SLC13A5: variants seen among roughly 807,000 people sequenced by gnomAD.
SLC13A5 encodes solute carrier family 13 member 5, also known as Na(+)/citrate cotransporter.
SLC13A5 carries 25 observed loss-of-function variants against 56.5 expected under a neutral mutation model. That is an observed-to-expected ratio of 0.44 (90% CI 0.32 to 0.62). The LOEUF (loss-of-function observed/expected upper bound fraction) is 0.62. SLC13A5 is among the 20% of genes least tolerant of loss of function. The pLI is 0.04. For synonymous variants in SLC13A5, 307 were observed against 301.5 expected, an observed-to-expected ratio of 1.02 and a Z score of -0.19; for missense variants, 649 against 737.8, an observed-to-expected ratio of 0.88 and a Z score of 1.39.
chr17:6,692,078 C>T lies in SLC13A5; in HGVS notation c.1275+966G>A, dbSNP rs1469798202. The stretch of plus-strand genomic sequence containing the variant: ...TCTCCTCTGTAATCTCTGTGCCTGG[C>T]ATAACACTAGGGACATAATAGGAAT... On this transcript the variant is annotated intron_variant, in intron 9 of 11. Coordinates refer to ENST00000433363, the MANE Select transcript of SLC13A5 (RefSeq NM_177550.5). This position sits in a 1 kb window ranked among gnomAD's most constrained non-coding sequence, Gnocchi z 5.5. Among the ~76,000 whole-genome samples, 1 of 151,996 alleles carries T rather than the reference C, an allele frequency of 6.6e-6. No homozygotes were observed. Among genetic ancestry groups the T allele is most frequent in the Non-Finnish European group, 1.5e-5 (1 of 68,032 alleles).
chr17:6,699,672 T>A (rs1225681642), intron 6 of SLC13A5, among the ~76,000 whole-genome samples: 1 of 152,204 alleles, frequency 6.6e-6, no homozygotes, highest in Non-Finnish European at 1.5e-5. Context: ...GGTTTCACCA[T>A]GTTGGCCAGG....
At chr17:6,702,891 G>A (rs1973750810) in intron 5 of SLC13A5, 79 bp downstream of exon 5, 4 of 1,532,448 alleles carry the variant, frequency 2.6e-6, no homozygotes, top group Non-Finnish European at 3.6e-6. Context: ...ACTCTGCAGA[G>A]GAGCAGAGAG....
chr17:6,704,307 T>C, intron 3 of SLC13A5: 1 of 639,574 alleles, frequency 1.6e-6, no homozygotes, highest in East Asian at 3.2e-5. Flanking sequence ...CTCTGCTTGC[T>C]TCTGGGGTTA....
At position 6,686,072 on chromosome 17, in the gene SLC13A5, G is replaced by A; in HGVS notation, c.*135C>T. ...GGCTTGGAGGAAGAGGTGGCCCATT[G>A]GCTGGGTTTTGGTGGTGTGTGGACA... is the stretch of plus-strand genomic sequence containing the variant. On this transcript the variant is annotated 3_prime_UTR_variant, in exon 12 of 12. Transcript: ENST00000433363. 1 of 1,294,278 alleles carries A rather than the reference G, an allele frequency of 7.7e-7. No individual in the cohort carries two copies. The highest frequency in any genetic ancestry group is 1.5e-5 in the African/African-American group (1 of 67,770). The allele number at this position is 1,294,278 out of a possible 1,614,324, so 80.2% of individuals were successfully genotyped here.
In SLC13A5 at chr17:6,704,116, G is replaced by A. The variant is rs218678; in HGVS notation, c.369-60C>T. 0.088 allele frequency: 136,462 copies of A among 1,547,356 alleles called. 7,152 individuals carry two copies. Among genetic ancestry groups the A allele is most frequent in the African/African-American group, 0.22 (15,915 of 73,764 alleles). On this transcript the variant is annotated intron_variant, in intron 3 of 11. Transcript: ENST00000433363. ...TCCCCACCCCACCCCCGTACTCCCT[G>A]GGAAGCAACTGGGGACTGGGTCCAC...
At chr17:6,689,606 T>C (rs1973341759) in intron 10 of SLC13A5, 1 of 152,202 alleles carries the variant, frequency 6.6e-6, no homozygotes, top group Admixed American at 6.5e-5. Flanking sequence ...CAAAAGGTGC[T>C]CCTTCTACTG....
rs575087645 is a variant in SLC13A5 at position 6,708,993 on chromosome 17, C to CTTTTTTTTTT, written c.103-1847_103-1838dup. Among the ~76,000 whole-genome samples the CTTTTTTTTTT allele has an allele frequency of 5.1e-4, 68 of 133,016 alleles. 1 individual carries two copies. The highest frequency in any genetic ancestry group is 8.4e-4 in the Non-Finnish European group (53 of 63,010). 87.3% of individuals were successfully genotyped at this position (133,016 alleles called of 152,430 possible). A position where few individuals can be genotyped will look rare whatever the true frequency, so the allele number is the denominator to read the frequency against. Reference sequence around the variant, plus strand: ...TTCTTTCTCTCTCGCTCTTTTATTTCTTTTTTTTTTTTTTTGAGACAGGGT... The same window carrying CTTTTTTTTTT: ...TTCTTTCTCTCTCGCTCTTTTATTTCTTTTTTTTTTTTTTTTTTTTTTTTTGAGACAGGGT... On this transcript the variant is annotated intron_variant, in intron 1 of 11. Transcript: ENST00000433363.
intron 6 of SLC13A5, among the ~76,000 whole-genome samples, chr17:6,697,275 A>G (rs1265689397): frequency 6.6e-6 from 1 of 152,122 alleles, no homozygotes; most frequent in East Asian, 1.9e-4. Context: ...TTTCCAGCAT[A>G]AGGGGTGACC....
intron 1 of SLC13A5, 47 bp from the exon 2 acceptor site, chr17:6,707,203 C>A: frequency 6.2e-7 from 1 of 1,607,634 alleles, no homozygotes; most frequent in Non-Finnish European, 8.5e-7. Context: ...CCTCCCTCTC[C>A]CCACCCCCAG....
At chr17:6,689,234 C>T (rs1973328857) in intron 10 of SLC13A5, 1 of 152,226 alleles carries the variant, frequency 6.6e-6, no homozygotes, top group Admixed American at 6.5e-5. Context: ...CCCTGGGAAC[C>T]ACTGAGGGGT....
chr17:6,703,871 G>A lies in SLC13A5; in HGVS notation c.547+7C>T, dbSNP rs1465068456. ...GTGGCCTGGCAGTGCCCTGGCCAGG[G>A]GCTCACCTGGCAGCTCCTTGGCCTT... On this transcript the variant is annotated splice_region_variant and intron_variant, in intron 4 of 11. Transcript: ENST00000433363. The A allele has an allele frequency of 1.3e-6, 2 of 1,532,576 alleles. No homozygotes were observed. Among genetic ancestry groups the A allele is most frequent in the Admixed American group, 3.9e-5 (2 of 51,492 alleles). The allele number at this position is 1,532,576 out of a possible 1,614,324, so 94.9% of individuals were successfully genotyped here. A position where few individuals can be genotyped will look rare whatever the true frequency, so the allele number is the denominator to read the frequency against.
At position 6,685,863 on chromosome 17, in the gene SLC13A5, G is replaced by T; in HGVS notation, c.*344C>A. 1 of 296,786 alleles carries T rather than the reference G, an allele frequency of 3.4e-6. No homozygotes were observed. The highest frequency in any genetic ancestry group is 4.2e-5 in the Admixed American group (1 of 23,986). 18.4% of individuals were successfully genotyped at this position (296,786 alleles called of 1,614,324 possible). ...TAGGACGAAGCGAGTGAAAACCAGA[G>T]CCCTGTGTGGGGGATGCTTGAGGCA... On this transcript the variant is annotated 3_prime_UTR_variant, in exon 12 of 12. Coordinates refer to ENST00000433363, the MANE Select transcript of SLC13A5 (RefSeq NM_177550.5). This position sits in a 1 kb window ranked among gnomAD's most constrained non-coding sequence, Gnocchi z 4.2.
At chr17:6,696,009 C>T (rs2151487484) in intron 6 of SLC13A5, 68 bp from the exon 7 acceptor site, 1 of 1,420,170 alleles carries the variant, frequency 7.0e-7, no homozygotes, top group East Asian at 2.3e-5. Flanking sequence ...CAGATGGAGC[C>T]TAAATGTTCT....
At chr17:6,700,691 T>A (rs1455314267) in intron 6 of SLC13A5, among the ~76,000 whole-genome samples, 1 of 152,116 alleles carries the variant, frequency 6.6e-6, no homozygotes, top group Non-Finnish European at 1.5e-5. Context: ...GCCTGTGATA[T>A]GCCCAGGGGC....
chr17:6,703,591 G>A (rs996904429), intron 4 of SLC13A5, among the ~76,000 whole-genome samples: 1 of 152,224 alleles, frequency 6.6e-6, no homozygotes, highest in Non-Finnish European at 1.5e-5. Context: ...ATCCCTAAGT[G>A]CTCGAAAGAT....
chr17:6,711,432 CACACACACAT>C lies in SLC13A5; in HGVS notation c.102+1790_102+1799del, dbSNP rs143360432. ...AATCTCTCTCTCTCTCTCTCTTACA[CACACACACAT>C]ACACACACATACACACACACTGAGT... On this transcript the variant is annotated intron_variant, in intron 1 of 11. Coordinates refer to ENST00000433363, the MANE Select transcript of SLC13A5 (RefSeq NM_177550.5). The surrounding 1 kb of genome is among the most constrained non-coding windows in gnomAD (Gnocchi z 4.0). Among the ~76,000 whole-genome samples, 31,954 of 150,962 alleles carry C rather than the reference CACACACACAT, an allele frequency of 0.21. 3,897 individuals are homozygous for C. Among genetic ancestry groups the C allele is most frequent in the East Asian group, 0.48 (2,364 of 4,974 alleles).
intron 6 of SLC13A5, among the ~76,000 whole-genome samples, chr17:6,699,901 C>T (rs1474037116): frequency 6.6e-6 from 1 of 152,234 alleles, no homozygotes; most frequent in Non-Finnish European, 1.5e-5. Context: ...CCATCGCGCC[C>T]GGCCTGTATA....
intron 6 of SLC13A5, among the ~76,000 whole-genome samples, chr17:6,699,560 TC>T (rs1380924396): frequency 6.6e-6 from 1 of 152,184 alleles, no homozygotes; most frequent in African/African-American, 2.4e-5. Context: ...AACCTCTACC[TC>T]CCGGCTTCAA....
chr17:6,713,106 C>CGCGCCCCGGGAGAGCTGT lies in SLC13A5; in HGVS notation c.102+108_102+125dup. 3.3e-6 allele frequency: 3 copies of CGCGCCCCGGGAGAGCTGT among 918,824 alleles called. No individual in the cohort carries two copies. Among genetic ancestry groups the CGCGCCCCGGGAGAGCTGT allele is most frequent in the Non-Finnish European group, 5.0e-6 (3 of 603,642 alleles). 56.9% of individuals were successfully genotyped at this position (918,824 alleles called of 1,614,324 possible). On this transcript the variant is annotated intron_variant, in intron 1 of 11. Transcript: ENST00000433363. The surrounding 1 kb of genome is among the most constrained non-coding windows in gnomAD (Gnocchi z 7.3). ...CCGGCACCTGGAGCTCCTGAGTGCG[C>CGCGCCCCGGGAGAGCTGT]GCGCCCCGGGAGAGCTGTGCTCCCC...
Sources: gnomAD v4.1 joint callset for allele counts (sites outside exome capture counted in the v4.1 genomes callset) on GRCh38, gnomAD v4.1.1 for gene constraint, Gnocchi (gnomAD v3.1) non-coding constraint, MANE v1.5 for transcripts, NCBI Gene and HGNC (gene_info 2026-07-23, HGNC 2026-07-21) for gene names.